The following PAFAH1B1 variants were observed in gnomAD, a reference collection of about 807,000 sequenced individuals.
PAFAH1B1 encodes platelet-activating factor acetylhydrolase IB subunit beta.
A neutral mutation model predicts 57.5 loss-of-function variants in PAFAH1B1; 2 were observed. The observed-to-expected ratio is 0.03, with a 90% CI of 0.01 to 0.11. The LOEUF (loss-of-function observed/expected upper bound fraction) is 0.11. Ranked by LOEUF, PAFAH1B1 falls within the 10% of genes least tolerant of loss-of-function variation. The probability of loss-of-function intolerance (pLI) is 1.00; values close to 1 mark genes in which losing one functional copy is unlikely to be tolerated. For synonymous variants in PAFAH1B1, 152 were observed against 169.6 expected (o/e 0.90, Z 0.81); for missense variants, 257 against 512.0 (o/e 0.50, Z 4.81).
At chr17:2,618,485 G>A (rs1402114633) in intron 1 of PAFAH1B1, among the ~76,000 whole-genome samples, 1 of 152,044 alleles carries the variant, frequency 6.6e-6, no homozygotes. Context: ...TACTCTTACG[G>A]AGTATTTTGT....
intron 2 of PAFAH1B1, chr17:2,638,538 G>A (rs1333569850): frequency 1.2e-5 from 6 of 500,020 alleles, no homozygotes; most frequent in East Asian, 3.5e-5. Flanking sequence ...GGAGTTTTTC[G>A]CTTTTGTCAC....
intron 1 of PAFAH1B1, among the ~76,000 whole-genome samples, chr17:2,629,472 T>G (rs914014098): frequency 6.6e-5 from 10 of 152,232 alleles, no homozygotes; most frequent in Non-Finnish European, 1.5e-4. Flanking sequence ...TGATATAATT[T>G]CAATTTTCTT....
chr17:2,645,878 A>C (rs1385332432), intron 2 of PAFAH1B1, among the ~76,000 whole-genome samples: 1 of 151,880 alleles, frequency 6.6e-6, no homozygotes, highest in Non-Finnish European at 1.5e-5. Context: ...TGCTAGGATT[A>C]CAGGCATGAG....
At chr17:2,613,754 C>T (rs186371140) in intron 1 of PAFAH1B1, 42 of 300,102 alleles carry the variant, frequency 1.4e-4, no homozygotes, top group African/African-American at 8.4e-4. Flanking sequence ...CACAGAGAGT[C>T]CCCCTGTGGC....
chr17:2,615,262 T>C (rs2068323461), intron 1 of PAFAH1B1, among the ~76,000 whole-genome samples: 1 of 152,184 alleles, frequency 6.6e-6, no homozygotes, highest in Admixed American at 6.5e-5. Flanking sequence ...AGCATTGTTT[T>C]ATTGGTATCC....
chr17:2,629,184 CCTTAG>C (rs2068527161), intron 1 of PAFAH1B1, among the ~76,000 whole-genome samples: 1 of 151,868 alleles, frequency 6.6e-6, no homozygotes, highest in African/African-American at 2.4e-5. Context: ...TGAGGTGTGA[CCTTAG>C]ATTGTCTGTG....
chr17:2,624,405 T>A (rs2068462954), intron 1 of PAFAH1B1, among the ~76,000 whole-genome samples: 4 of 152,216 alleles, frequency 2.6e-5, no homozygotes, highest in Admixed American at 2.0e-4. Flanking sequence ...TTCTTGCTGC[T>A]GATACAGACA....
intron 2 of PAFAH1B1, among the ~76,000 whole-genome samples, chr17:2,658,334 C>G (rs2068965709): frequency 6.6e-6 from 1 of 152,148 alleles, no homozygotes; most frequent in African/African-American, 2.4e-5. Flanking sequence ...GAGGGAAACA[C>G]AGATAAATAA....
At position 2,614,207 on chromosome 17, in the gene PAFAH1B1, G is replaced by A. The variant is rs75843256; in HGVS notation, c.-191+20201G>A. 7.5e-3 allele frequency among the ~76,000 whole-genome samples: 1,135 copies of A among 150,932 alleles called. 18 individuals carry two copies. Among genetic ancestry groups the A allele is most frequent in the African/African-American group, 0.027 (1,104 of 41,104 alleles). On this transcript the variant is annotated intron_variant, in intron 1 of 10. Transcript: ENST00000397195. The stretch of plus-strand genomic sequence containing the variant: ...CCATTCCTGGCTAATTTTTAAATTT[G>A]TGGTAGAATGAGGTCTTGCTGTTTT...
intron 2 of PAFAH1B1, chr17:2,659,451 C>T (rs1169570398): frequency 1.1e-5 from 3 of 276,928 alleles, no homozygotes; most frequent in Non-Finnish European, 2.2e-5. Context: ...CCAGGAGAAT[C>T]GTGAGGTTGT....
chr17:2,636,376 A>G (rs2068625010), intron 1 of PAFAH1B1, among the ~76,000 whole-genome samples: 1 of 152,194 alleles, frequency 6.6e-6, no homozygotes, highest in Non-Finnish European at 1.5e-5. Flanking sequence ...TTCTTCAGAT[A>G]AGGATCTCTA....
rs201201710 is a variant in PAFAH1B1, at chr17:2,670,215, A to G, written c.452A>G (p.Asp151Gly). 6.2e-7 allele frequency: 1 copy of G among 1,613,936 alleles called. No individual in the cohort carries two copies. Among genetic ancestry groups the G allele is most frequent in the Non-Finnish European group, 8.5e-7 (1 of 1,179,918 alleles). ...GAACGAACTCTTAAAGGACATACAG[A>G]CTCTGTACAGGACATTTCATTCGAC... The part of the protein sequence containing the change: ...DFERTLKGHT[D>G]SVQDISFDHS... The change falls in exon 6 of 11, where the codon GAC becomes GGC. Residue 151 changes from aspartate (D) to glycine (G), a missense_variant. By Grantham distance (94) the Asp-to-Gly change is moderately conservative. Coordinates refer to ENST00000397195, the MANE Select transcript of PAFAH1B1 (RefSeq NM_000430.4).
intron 2 of PAFAH1B1, among the ~76,000 whole-genome samples, chr17:2,654,577 A>G (rs2068911936): frequency 6.6e-6 from 1 of 152,112 alleles, no homozygotes. Context: ...TATTGCCTTA[A>G]GGTAAAAAAT....
At chr17:2,598,728 A>G (rs1004507897) in intron 1 of PAFAH1B1, among the ~76,000 whole-genome samples, 1 of 152,104 alleles carries the variant, frequency 6.6e-6, no homozygotes, top group African/African-American at 2.4e-5. Context: ...AATCCTCGTC[A>G]TTGAAGGTCA....
At chr17:2,644,616 A>G (rs1332346622) in intron 2 of PAFAH1B1, among the ~76,000 whole-genome samples, 2 of 152,198 alleles carry the variant, frequency 1.3e-5, no homozygotes, top group East Asian at 1.9e-4. Flanking sequence ...AATGTATTCA[A>G]CCAGTCTCCC....
At position 2,631,022 on chromosome 17, in the gene PAFAH1B1, C is replaced by G. The variant is rs1416011033; in HGVS notation, c.-190-7077C>G. On this transcript the variant is annotated intron_variant, in intron 1 of 10. Coordinates refer to ENST00000397195, the MANE Select transcript of PAFAH1B1 (RefSeq NM_000430.4). Reference sequence around the variant, plus strand: ...TTTGGGAGGCTGAGGTGGTGGATCACCTGAGGTCATGAGTTTGAGACCAGC... The same window carrying G: ...TTTGGGAGGCTGAGGTGGTGGATCAGCTGAGGTCATGAGTTTGAGACCAGC... Among the ~76,000 whole-genome samples the G allele has an allele frequency of 2.6e-5, 4 of 152,278 alleles. No individual in the cohort carries two copies. In the East Asian group the frequency reaches 5.8e-4, roughly 22 times the overall value.
intron 1 of PAFAH1B1, among the ~76,000 whole-genome samples, chr17:2,612,397 G>T (rs1011172847): frequency 1.3e-5 from 2 of 151,562 alleles, no homozygotes; most frequent in East Asian, 3.9e-4. Flanking sequence ...TAGTAGAGAC[G>T]AGGTTTTGCC....
intron 2 of PAFAH1B1, among the ~76,000 whole-genome samples, chr17:2,653,219 A>G (rs1205639532): frequency 6.6e-6 from 1 of 152,130 alleles, no homozygotes; most frequent in Non-Finnish European, 1.5e-5. Context: ...GAATTGAACA[A>G]TGAGAACAGC....
At chr17:2,629,347 T>C (rs1016523231) in intron 1 of PAFAH1B1, among the ~76,000 whole-genome samples, 1 of 152,234 alleles carries the variant, frequency 6.6e-6, no homozygotes, top group Non-Finnish European at 1.5e-5. Flanking sequence ...ATTTCATTTT[T>C]GACCCAGTGC....
Sources: gnomAD v4.1 joint callset for allele counts (sites outside exome capture counted in the v4.1 genomes callset) on GRCh38, gnomAD v4.1.1 for gene constraint, MANE v1.5 for transcripts, NCBI Gene and HGNC (gene_info 2026-07-23, HGNC 2026-07-21) for gene names.